Variants in SMC5 observed in about 807,000 individuals in gnomAD.
SMC5 encodes structural maintenance of chromosomes 5, also known as structural maintenance of chromosomes protein 5.
Under a neutral mutation model 148.3 loss-of-function variants are expected in SMC5, and 88 were observed. The ratio of observed to expected loss-of-function variants is 0.59; its 90% CI spans 0.50 to 0.71. The LOEUF (loss-of-function observed/expected upper bound fraction) is 0.71. Among genes scored for constraint, SMC5 ranks in the 30% least tolerant of loss-of-function variants. The probability of loss-of-function intolerance (pLI) is 0.00; values close to 1 mark genes in which losing one functional copy is unlikely to be tolerated. For missense variants in SMC5, 1,142 were observed against 1,298.9 expected (o/e 0.88, Z 1.86); for synonymous variants, 421 against 432.8 (o/e 0.97, Z 0.34).
chr9:70,351,911 A>C (rs2036812940), intron 24 of SMC5, among the ~76,000 whole-genome samples: 1 of 152,032 alleles, frequency 6.6e-6, no homozygotes, highest in African/African-American at 2.4e-5. Flanking sequence ...CCCTGTCTGT[A>C]CTAAAAATAC....
chr9:70,278,734 AT>A (rs974513793), intron 5 of SMC5, 109 bp downstream of exon 5: 29 of 1,113,664 alleles, frequency 2.6e-5, no homozygotes, highest in South Asian at 1.8e-4. Context: ...CGTATTTGTG[AT>A]TTTTTTTCAC....
intron 13 of SMC5, among the ~76,000 whole-genome samples, 163 bp downstream of exon 13, chr9:70,315,741 A>G (rs994823841): frequency 6.6e-6 from 1 of 152,114 alleles, no homozygotes; most frequent in Non-Finnish European, 1.5e-5. Flanking sequence ...TATGACATGA[A>G]ACATTGACTG....
At position 70,298,033 on chromosome 9, in the gene SMC5, G is replaced by C. The variant is rs1028862305; in HGVS notation, c.1121G>C (p.Gly374Ala). ...NEELDRQRRI[G>A]NTRKMIEDLQ... ...GAGCTTGACCGACAGAGGAGAATAGGTAATACCCGCAAAATGATAGAGGAT... is the reference window on the plus strand; with the variant it reads ...GAGCTTGACCGACAGAGGAGAATAGCTAATACCCGCAAAATGATAGAGGAT... Residue 374 changes from glycine (G) to alanine (A), a missense_variant, in exon 9 of 25, where the codon GGT becomes GCT. This residue lies in a region of SMC5 where 743 missense variants were observed against 835.7 expected (regional missense o/e 0.89). Transcript: ENST00000361138. 1.2e-6 allele frequency: 2 copies of C among 1,613,926 alleles called. No individual in the cohort carries two copies. The highest frequency in any genetic ancestry group is 2.2e-5 in the South Asian group (2 of 91,082).
chr9:70,291,088 A>G (rs554355478), intron 8 of SMC5, among the ~76,000 whole-genome samples: 1 of 151,676 alleles, frequency 6.6e-6, no homozygotes, highest in African/African-American at 2.4e-5. Flanking sequence ...TTGCTGTTTC[A>G]TTGAATATAT....
intron 17 of SMC5, among the ~76,000 whole-genome samples, chr9:70,329,078 C>T (rs2036157635): frequency 1.3e-5 from 2 of 152,178 alleles, no homozygotes. Context: ...CTGGACCTGG[C>T]CCAAGAAACA....
In SMC5 at chr9:70,324,093, A is replaced by C. The variant is rs1400272193; in HGVS notation, c.2347A>C (p.Lys783Gln). ...QNTTVISEKNKLESDYMAASS... is the reference protein window; with the variant it reads ...QNTTVISEKNQLESDYMAASS... ...TACTACAGTGATCTCTGAGAAGAACAAATTAGAATCAGATTATATGGCCGC... is the reference window on the plus strand; with the variant it reads ...TACTACAGTGATCTCTGAGAAGAACCAATTAGAATCAGATTATATGGCCGC... The change falls in exon 17 of 25, where the codon AAA (lysine) becomes CAA (glutamine). Residue 783 changes from lysine to glutamine, a missense_variant. By Grantham distance (53) the Lys-to-Gln change is moderately conservative. This residue lies in a region of SMC5 where 743 missense variants were observed against 835.7 expected (regional missense o/e 0.89). Coordinates refer to ENST00000361138, the MANE Select transcript of SMC5 (RefSeq NM_015110.4). The C allele has an allele frequency of 1.2e-6, 2 of 1,602,650 alleles. No homozygotes were observed. Among genetic ancestry groups the C allele is most frequent in the African/African-American group, 1.3e-5 (1 of 74,366 alleles).
At position 70,335,234 on chromosome 9, in the gene SMC5, A is replaced by C. The variant is rs2036327491; in HGVS notation, c.2398-8910A>C. Among the ~76,000 whole-genome samples, 4 of 152,288 alleles carry C rather than the reference A, an allele frequency of 2.6e-5. No individual in the cohort carries two copies. The South Asian group carries it at 6.2e-4, about 24-fold the overall frequency. On this transcript the variant is annotated intron_variant, in intron 17 of 24. Coordinates refer to ENST00000361138, the MANE Select transcript of SMC5 (RefSeq NM_015110.4). ...AGGCTGAGGGCAGTGGCTCATGCCT[A>C]TAATCCCAGCACTTTAGGAGGCCAA...
At chr9:70,350,995 C>A (rs945925200) in intron 24 of SMC5, among the ~76,000 whole-genome samples, 1 of 152,104 alleles carries the variant, frequency 6.6e-6, no homozygotes, top group African/African-American at 2.4e-5. Context: ...GAGTAAATTA[C>A]AAAGCATATG....
chr9:70,310,284 A>G (rs1338895381), intron 11 of SMC5, among the ~76,000 whole-genome samples: 1 of 152,198 alleles, frequency 6.6e-6, no homozygotes, highest in African/African-American at 2.4e-5. Flanking sequence ...TCCTTGATCC[A>G]TGGGCTGCAG....
At chr9:70,344,677 A>G (rs2036620012) in intron 18 of SMC5, 1 of 152,140 alleles carries the variant, frequency 6.6e-6, no homozygotes, top group South Asian at 2.1e-4. Flanking sequence ...TCTGCCAATA[A>G]GAAAAGGAAA....
intron 8 of SMC5, among the ~76,000 whole-genome samples, chr9:70,296,341 C>G (rs1241925089): frequency 6.6e-6 from 1 of 152,060 alleles, no homozygotes; most frequent in Non-Finnish European, 1.5e-5. Flanking sequence ...GCAGGCAGAT[C>G]ACTTGAGGCC....
chr9:70,302,869 T>C (rs2035396801), intron 10 of SMC5, among the ~76,000 whole-genome samples: 1 of 152,132 alleles, frequency 6.6e-6, no homozygotes, highest in African/African-American at 2.4e-5. Context: ...AAGAATTGAA[T>C]TGCCATGTAA....
At chr9:70,340,687 CTTATT>C (rs944122309) in intron 17 of SMC5, among the ~76,000 whole-genome samples, 27 of 152,052 alleles carry the variant, frequency 1.8e-4, no homozygotes, top group African/African-American at 6.0e-4. Context: ...TTATTTGATT[CTTATT>C]TTAATGAACT....
At chr9:70,320,565 T>C (rs1228539166) in intron 15 of SMC5, among the ~76,000 whole-genome samples, 2 of 152,110 alleles carry the variant, frequency 1.3e-5, no homozygotes, top group Non-Finnish European at 2.9e-5. Context: ...ATAACTAATC[T>C]AGAGATAATA....
chr9:70,300,748 A>T (rs1344337670), intron 10 of SMC5, among the ~76,000 whole-genome samples: 1 of 152,130 alleles, frequency 6.6e-6, no homozygotes, highest in Non-Finnish European at 1.5e-5. Flanking sequence ...AAGTGTGGCC[A>T]TGGATTTACT....
chr9:70,317,506 G>T (rs370498713), intron 13 of SMC5, among the ~76,000 whole-genome samples: 1 of 152,002 alleles, frequency 6.6e-6, no homozygotes, highest in African/African-American at 2.4e-5. Context: ...CAGATTAGTC[G>T]GATTGTAGGA....
intron 10 of SMC5, among the ~76,000 whole-genome samples, 187 bp downstream of exon 10, chr9:70,300,387 TA>T (rs1481567246): frequency 6.6e-6 from 1 of 152,100 alleles, no homozygotes; most frequent in Non-Finnish European, 1.5e-5. Context: ...ATAACTGTCA[TA>T]AAACCTGTGC....
At chr9:70,336,729 A>T (rs537494319) in intron 17 of SMC5, among the ~76,000 whole-genome samples, 2 of 152,188 alleles carry the variant, frequency 1.3e-5, no homozygotes, top group Non-Finnish European at 2.9e-5. Context: ...TGGTTGTTCC[A>T]TATAGGAAAT....
At chr9:70,310,021 A>G (rs1254223774) in intron 11 of SMC5, among the ~76,000 whole-genome samples, 1 of 151,930 alleles carries the variant, frequency 6.6e-6, no homozygotes, top group Non-Finnish European at 1.5e-5. Context: ...TGATTTTTGC[A>G]TTTTTTAGTA....
Sources: allele counts gnomAD v4.1 joint callset (sites outside exome capture counted in the v4.1 genomes callset), GRCh38; gene constraint gnomAD v4.1.1; regional missense constraint gnomAD v4.1.1; transcripts MANE v1.5; gene names NCBI Gene and HGNC (gene_info 2026-07-23, HGNC 2026-07-21).